Variants in ITPR2 observed in about 807,000 individuals in gnomAD.
ITPR2 encodes the protein inositol 1,4,5-trisphosphate receptor type 2.
A neutral mutation model predicts 317.1 loss-of-function variants in ITPR2; 207 were observed. The ratio of observed to expected loss-of-function variants is 0.65; its 90% CI spans 0.58 to 0.73. The LOEUF (loss-of-function observed/expected upper bound fraction) is 0.73. Among genes scored for constraint, ITPR2 ranks in the 30% least tolerant of loss-of-function variants. The probability of loss-of-function intolerance (pLI) is 0.00; values close to 1 mark genes in which losing one functional copy is unlikely to be tolerated. For synonymous variants in ITPR2, 1,156 were observed against 1,149.1 expected, an observed-to-expected ratio of 1.01 and a Z score of -0.12; for missense variants, 2,613 against 3,284.0, an observed-to-expected ratio of 0.80 and a Z score of 4.99.
chr12:26,583,250 C>T (rs1387800012), intron 32 of ITPR2, among the ~76,000 whole-genome samples: 1 of 152,102 alleles, frequency 6.6e-6, no homozygotes, highest in Non-Finnish European at 1.5e-5. Context: ...ACAAGGTTGG[C>T]CTCTTTTTCA....
intron 34 of ITPR2, among the ~76,000 whole-genome samples, chr12:26,575,233 G>C (rs1945248483): frequency 1.3e-5 from 2 of 149,238 alleles, no homozygotes; most frequent in Non-Finnish European, 3.0e-5. Context: ...GTTAGGCAAA[G>C]GGATGTTGCT....
In ITPR2 at chr12:26,411,364, C is replaced by T; in HGVS notation, c.7355G>A (p.Cys2452Tyr). The change falls in exon 52 of 57, where the codon TGT becomes TAT. Residue 2452 changes from cysteine (C) to tyrosine (Y), a missense_variant. Transcript: ENST00000381340. ...TMTLTTMMEA[C>Y]AKENCSPTIP... ...TGTGGGTGAACAGTTCTCCTTGGCACATGCTTCCATCATGGTAGTTAAAGT... is the reference window on the plus strand; with the variant it reads ...TGTGGGTGAACAGTTCTCCTTGGCATATGCTTCCATCATGGTAGTTAAAGT... The T allele has an allele frequency of 6.2e-7, 1 of 1,613,682 alleles. No individual in the cohort carries two copies. Among genetic ancestry groups the T allele is most frequent in the South Asian group, 1.1e-5 (1 of 91,076 alleles).
intron 2 of ITPR2, among the ~76,000 whole-genome samples, chr12:26,764,127 G>A (rs76025297): frequency 0.021 from 3,172 of 152,156 alleles, 49 homozygotes; most frequent in South Asian, 0.058. Flanking sequence ...AACAAATTAT[G>A]CTAGAACAAC....
At chr12:26,611,707 C>G (rs1359616193) in intron 26 of ITPR2, among the ~76,000 whole-genome samples, 1 of 152,174 alleles carries the variant, frequency 6.6e-6, no homozygotes, top group African/African-American at 2.4e-5. Context: ...GAGGAACTTT[C>G]CTCTGAAGCA....
At chr12:26,714,824 C>G (rs1948708592) in intron 8 of ITPR2, among the ~76,000 whole-genome samples, 1 of 152,128 alleles carries the variant, frequency 6.6e-6, no homozygotes, top group Admixed American at 6.6e-5. Flanking sequence ...TGAATGAATT[C>G]TTAACTATGG....
At chr12:26,428,911 T>A (rs1314842250) in intron 48 of ITPR2, among the ~76,000 whole-genome samples, 2 of 152,354 alleles carry the variant, frequency 1.3e-5, no homozygotes, top group East Asian at 3.9e-4. Context: ...GGATCAGCTC[T>A]GGGGCCTCAA....
At chr12:26,767,793 A>C (rs1949749800) in intron 2 of ITPR2, among the ~76,000 whole-genome samples, 1 of 152,166 alleles carries the variant, frequency 6.6e-6, no homozygotes, top group South Asian at 2.1e-4. Context: ...CTTTTTATAT[A>C]TTTGTTTCTT....
rs375079962 is a variant in ITPR2, at chr12:26,419,164, G to A, written c.6995C>T (p.Thr2332Met). The A allele has an allele frequency of 1.9e-5, 31 of 1,613,674 alleles. No homozygotes were observed. The highest frequency in any genetic ancestry group is 8.9e-5 in the East Asian group (4 of 44,850). The change falls in exon 50 of 57, where the codon ACG becomes ATG. Residue 2332 changes from threonine to methionine, a missense_variant. Physicochemically the swap from Thr to Met is moderately conservative, Grantham distance 81. Around this residue, in one of 9 missense-constraint regions of ITPR2, gnomAD observed 78 missense variants for 110.3 expected, o/e 0.71. Coordinates refer to ENST00000381340, the MANE Select transcript of ITPR2 (RefSeq NM_002223.4). ...GACTGCTCGGTACCCACGGGTGAAC[G>A]TGCCACGATTTCCAACAAAACTCAC... Reference protein sequence around the residue: ...FLVSFVGNRGTFTRGYRAVIL... With the variant: ...FLVSFVGNRGMFTRGYRAVIL...
intron 40 of ITPR2, chr12:26,486,838 A>G: frequency 1.5e-6 from 1 of 667,922 alleles, no homozygotes; most frequent in Non-Finnish European, 2.8e-6. Flanking sequence ...CAATGAAATC[A>G]AACATCTTTC....
At chr12:26,720,589 A>G (rs779566044) in intron 5 of ITPR2, among the ~76,000 whole-genome samples, 3 of 152,216 alleles carry the variant, frequency 2.0e-5, no homozygotes, top group African/African-American at 4.8e-5. Context: ...ATTACACACA[A>G]AAGCTACACA....
At chr12:26,347,981 C>T (rs1383109380) in intron 55 of ITPR2, among the ~76,000 whole-genome samples, 1 of 152,210 alleles carries the variant, frequency 6.6e-6, no homozygotes, top group African/African-American at 2.4e-5. Flanking sequence ...GACTTGATGG[C>T]TATGCTTAGA....
intron 37 of ITPR2, among the ~76,000 whole-genome samples, chr12:26,510,329 G>A (rs78131310): frequency 1.3e-5 from 2 of 152,168 alleles, no homozygotes; most frequent in African/African-American, 4.8e-5. Flanking sequence ...TCTTCCAGAT[G>A]TGACAGAAAA....
intron 55 of ITPR2, among the ~76,000 whole-genome samples, chr12:26,374,508 T>C (rs1199247009): frequency 2.0e-5 from 3 of 152,242 alleles, no homozygotes; most frequent in African/African-American, 7.2e-5. Flanking sequence ...CTTTGAACAT[T>C]GAATGGTTTA....
rs1036384671 is a variant in ITPR2 at position 26,468,416 on chromosome 12, T to C, written c.6342+6880A>G. Among the ~76,000 whole-genome samples, 4 of 152,200 alleles carry C rather than the reference T, an allele frequency of 2.6e-5. No homozygotes were observed. In the South Asian group the frequency reaches 8.3e-4, roughly 31 times the overall value. On this transcript the variant is annotated intron_variant, in intron 45 of 56. Coordinates refer to ENST00000381340, the MANE Select transcript of ITPR2 (RefSeq NM_002223.4). ...ATAAGATTATGGACTGCCAGAATGC[T>C]ATTATAAGCATTGTAGGAGTCTATT...
At chr12:26,461,384 T>A (rs1232660942) in intron 45 of ITPR2, among the ~76,000 whole-genome samples, 1 of 152,074 alleles carries the variant, frequency 6.6e-6, no homozygotes, top group East Asian at 1.9e-4. Context: ...AAATTCAGCA[T>A]GCCACCTGTT....
chr12:26,341,054 T>C (rs1260749015), intron 55 of ITPR2, among the ~76,000 whole-genome samples: 3 of 152,214 alleles, frequency 2.0e-5, no homozygotes, highest in Non-Finnish European at 4.4e-5. Flanking sequence ...TTCAAGACTC[T>C]GCTCGATTGT....
At chr12:26,784,493 G>A (rs1188069999) in intron 2 of ITPR2, among the ~76,000 whole-genome samples, 20 of 151,078 alleles carry the variant, frequency 1.3e-4, no homozygotes, top group Non-Finnish European at 2.1e-4. Context: ...TGCGCACGCC[G>A]CCACGCCTGA....
At chr12:26,527,812 G>A (rs780040791) in intron 37 of ITPR2, among the ~76,000 whole-genome samples, 35 of 152,300 alleles carry the variant, frequency 2.3e-4, no homozygotes, top group Non-Finnish European at 4.6e-4. Context: ...AATTTACTAC[G>A]TAATGAGATA....
intron 22 of ITPR2, among the ~76,000 whole-genome samples, chr12:26,630,376 GA>G (rs1314412018): frequency 3.3e-5 from 5 of 151,158 alleles, no homozygotes; most frequent in African/African-American, 1.2e-4. Context: ...AGAGGGCCAG[GA>G]AGAGAGAGAG....
Sources: allele counts gnomAD v4.1 joint callset (sites outside exome capture counted in the v4.1 genomes callset), GRCh38; gene constraint gnomAD v4.1.1; regional missense constraint gnomAD v4.1.1; transcripts MANE v1.5; gene names NCBI Gene and HGNC (gene_info 2026-07-23, HGNC 2026-07-21).